ARB2A: variants seen among roughly 807,000 people sequenced by gnomAD.
ARB2A encodes cotranscriptional regulator ARB2A.
chr5:93,784,403 T>C, the ARB2A span: 2 of 1,613,328 alleles, frequency 1.2e-6, no homozygotes, highest in Non-Finnish European at 1.7e-6. Flanking sequence ...CATTCTCGAA[T>C]CGTTTTGCCA....
the ARB2A span, among the ~76,000 whole-genome samples, chr5:94,092,694 A>T: frequency 6.6e-6 from 1 of 152,192 alleles, no homozygotes; most frequent in Non-Finnish European, 1.5e-5. Flanking sequence ...TCTATTTTCA[A>T]CTAAAAAGAT....
chr5:93,716,180 C>T, the ARB2A span, among the ~76,000 whole-genome samples: 1 of 152,226 alleles, frequency 6.6e-6, no homozygotes, highest in African/African-American at 2.4e-5. Context: ...CTACAAGATT[C>T]TATATTTAAA....
chr5:93,771,102 C>T, the ARB2A span, among the ~76,000 whole-genome samples: 1 of 152,140 alleles, frequency 6.6e-6, no homozygotes, highest in Non-Finnish European at 1.5e-5. Context: ...GGTATCAAAA[C>T]AGAGAAACAG....
chr5:93,861,480 G>C, the ARB2A span: 2 of 151,926 alleles, frequency 1.3e-5, no homozygotes, highest in Non-Finnish European at 2.9e-5. Flanking sequence ...CTTTATCATT[G>C]TTATCACTGA....
the ARB2A span, among the ~76,000 whole-genome samples, chr5:93,794,807 G>A: frequency 6.6e-6 from 1 of 152,192 alleles, no homozygotes; most frequent in Non-Finnish European, 1.5e-5. Context: ...ACCTAGTCTG[G>A]TGGAGGTAGC....
chr5:93,652,698 C>A, the ARB2A span, among the ~76,000 whole-genome samples: 1 of 152,144 alleles, frequency 6.6e-6, no homozygotes, highest in African/African-American at 2.4e-5. Context: ...TCAACAGCTG[C>A]TGATTTAAAG....
the ARB2A span, among the ~76,000 whole-genome samples, chr5:93,898,450 C>T: frequency 6.6e-6 from 1 of 151,902 alleles, no homozygotes; most frequent in Admixed American, 6.6e-5. Flanking sequence ...TACTCTTACC[C>T]CTATTCTCTT....
the ARB2A span, among the ~76,000 whole-genome samples, chr5:93,867,304 G>A: frequency 6.6e-6 from 1 of 152,264 alleles, no homozygotes; most frequent in Admixed American, 6.5e-5. Context: ...AAATATGATA[G>A]CATCCAAACT....
chr5:93,881,625 T>C, the ARB2A span: 9 of 1,604,726 alleles, frequency 5.6e-6, no homozygotes, highest in South Asian at 1.0e-4. Flanking sequence ...TGTACGTGTA[T>C]CTTCGGCTTT....
chr5:93,885,644 A>C, the ARB2A span, among the ~76,000 whole-genome samples: 1 of 151,650 alleles, frequency 6.6e-6, no homozygotes, highest in Non-Finnish European at 1.5e-5. Flanking sequence ...GGTGATCAAG[A>C]GGATATATAT....
chr5:94,064,077 C>T, the ARB2A span, among the ~76,000 whole-genome samples: 6 of 151,364 alleles, frequency 4.0e-5, no homozygotes, highest in African/African-American at 1.5e-4. Flanking sequence ...CAAGGGAATA[C>T]AAAAAAGCAG....
the ARB2A span, among the ~76,000 whole-genome samples, chr5:93,935,895 A>T: frequency 5.9e-5 from 9 of 152,214 alleles, no homozygotes; most frequent in Non-Finnish European, 1.3e-4. Flanking sequence ...GAAAAAGAAA[A>T]GAATGAAAGG....
At chr5:94,084,859 C>T in the ARB2A span, among the ~76,000 whole-genome samples, 1 of 152,110 alleles carries the variant, frequency 6.6e-6, no homozygotes, top group Non-Finnish European at 1.5e-5. Context: ...TCACTTCATA[C>T]ATGATCAATT....
chr5:94,066,729 G>T, the ARB2A span, among the ~76,000 whole-genome samples: 610 of 152,124 alleles, frequency 4.0e-3, 3 homozygotes, highest in Admixed American at 9.6e-3. Context: ...GGACCATATG[G>T]CTTTACTACT....
At chr5:93,668,286 G>A in the ARB2A span, among the ~76,000 whole-genome samples, 8 of 151,952 alleles carry the variant, frequency 5.3e-5, no homozygotes, top group African/African-American at 1.4e-4. Flanking sequence ...ATATTGTTTA[G>A]TAGAGTCAGG....
the ARB2A span, among the ~76,000 whole-genome samples, chr5:93,986,332 CCCCCG>C: frequency 1.3e-5 from 2 of 151,020 alleles, no homozygotes; most frequent in South Asian, 4.2e-4. Flanking sequence ...GTGGGGGGCG[CCCCCG>C]CCCGGCAGCC....
At chr5:93,756,409 G>A in the ARB2A span, among the ~76,000 whole-genome samples, 29 of 152,192 alleles carry the variant, frequency 1.9e-4, no homozygotes, top group Non-Finnish European at 3.8e-4. Context: ...TGCCTGGCAG[G>A]AGGCCAACCA....
the ARB2A span, among the ~76,000 whole-genome samples, chr5:93,906,603 T>C: frequency 6.6e-6 from 1 of 151,478 alleles, no homozygotes; most frequent in African/African-American, 2.4e-5. Context: ...AGGCAAAATT[T>C]TCAAAATGAC....
the ARB2A span, among the ~76,000 whole-genome samples, chr5:93,666,446 C>T: frequency 1.3e-5 from 2 of 151,352 alleles, no homozygotes; most frequent in African/African-American, 2.4e-5. Context: ...CCCAGACCCC[C>T]TTGGTACTTA....
Sources: gnomAD v4.1 joint callset for allele counts (sites outside exome capture counted in the v4.1 genomes callset) on GRCh38, gnomAD v4.1.1 for gene constraint, MANE v1.5 for transcripts, NCBI Gene and HGNC (gene_info 2026-07-23, HGNC 2026-07-21) for gene names.